F9: variants seen among roughly 807,000 people sequenced by gnomAD.
The protein encoded by F9 is Christmas factor.
F9 carries 2 observed loss-of-function variants against 34.1 expected under a neutral mutation model. The observed-to-expected ratio is 0.06, with a 90% CI of 0.02 to 0.18. The LOEUF (loss-of-function observed/expected upper bound fraction) is 0.18. Ranked by LOEUF, F9 falls within the 10% of genes least tolerant of loss-of-function variation. F9 has a pLI of 1.00. For missense variants in F9, 216 were observed against 345.1 expected, an observed-to-expected ratio of 0.63 and a Z score of 2.96; for synonymous variants, 137 against 118.8, an observed-to-expected ratio of 1.15 and a Z score of -1.00.
intron 1 of F9, among the ~76,000 whole-genome samples, chrX:139,532,753 A>T (rs959828481): frequency 8.9e-6 from 1 of 112,090 alleles, no homozygotes; most frequent in Non-Finnish European, 1.9e-5. Context: ...TGTCTGATAT[A>T]AGGGCATTTT....
At chrX:139,539,066 A>T (rs1415084692) in intron 3 of F9, among the ~76,000 whole-genome samples, 1 of 112,169 alleles carries the variant, frequency 8.9e-6, no homozygotes, top group Non-Finnish European at 1.9e-5. Flanking sequence ...CACATAGTAG[A>T]AACCCAAGCT....
chrX:139,546,611 TTAAAA>T (rs1927724195), intron 4 of F9, among the ~76,000 whole-genome samples: 2 of 111,523 alleles, frequency 1.8e-5, no homozygotes, highest in Non-Finnish European at 1.9e-5. Context: ...ATCTAAACAA[TTAAAA>T]TAAATAAGTA....
chrX:139,552,253 G>T (rs1159879050), intron 6 of F9, among the ~76,000 whole-genome samples: 2 of 111,938 alleles, frequency 1.8e-5, no homozygotes, highest in Non-Finnish European at 3.8e-5. Context: ...AGAAGCCGGG[G>T]TTCAAAACAC....
At chrX:139,542,582 C>G (rs1927626808) in intron 4 of F9, among the ~76,000 whole-genome samples, 1 of 111,712 alleles carries the variant, frequency 9.0e-6, no homozygotes, top group Non-Finnish European at 1.9e-5. Context: ...GCCGGTGGAG[C>G]TGAGGGAATG....
chrX:139,548,244 T>C (rs1243301583), intron 4 of F9, 119 bp from the exon 5 acceptor site: 5 of 785,059 alleles, frequency 6.4e-6, no homozygotes, highest in Admixed American at 2.5e-5. Flanking sequence ...CCAACGTATA[T>C]TGGGGGCAAC....
chrX:139,560,677 A>G (rs1928075961), intron 6 of F9, 64 bp from the exon 7 acceptor site: 3 of 791,873 alleles, frequency 3.8e-6, no homozygotes, highest in East Asian at 3.1e-5. Flanking sequence ...TAACCAGCAC[A>G]CATATTTATT....
At chrX:139,546,898 G>A (rs984190662) in intron 4 of F9, among the ~76,000 whole-genome samples, 26 of 111,991 alleles carry the variant, frequency 2.3e-4, no homozygotes, top group African/African-American at 8.4e-4. Context: ...TGGATTCAAT[G>A]CAATACCAAA....
chrX:139,561,293 T>C (rs1240771898), intron 7 of F9, among the ~76,000 whole-genome samples: 1 of 112,089 alleles, frequency 8.9e-6, no homozygotes, highest in East Asian at 2.8e-4. Flanking sequence ...TTATCACCAA[T>C]GAAAGGCTTA....
chrX:139,549,394 T>G (rs1927789723), intron 5 of F9, among the ~76,000 whole-genome samples: 1 of 111,357 alleles, frequency 9.0e-6, no homozygotes. Context: ...AGGGAGACCC[T>G]AATCCTGCGG....
At chrX:139,550,281 T>G (rs1018121236) in intron 5 of F9, among the ~76,000 whole-genome samples, 1 of 112,534 alleles carries the variant, frequency 8.9e-6, no homozygotes, top group African/African-American at 3.2e-5. Flanking sequence ...AACCACTTGC[T>G]GTCTTCATGA....
In F9 at chrX:139,551,051, T is replaced by C; in HGVS notation, c.521-11T>C. On this transcript the variant is annotated splice_polypyrimidine_tract_variant and intron_variant, in intron 5 of 7. Transcript: ENST00000218099. Reference sequence around the variant, plus strand: ...AATATCAGGTTACTAATTTTTCTTCTATTTTTCTAGTGCCATTTCCATGTG... The same window carrying C: ...AATATCAGGTTACTAATTTTTCTTCCATTTTTCTAGTGCCATTTCCATGTG... 1 of 1,205,087 alleles carries C rather than the reference T, an allele frequency of 8.3e-7. No homozygotes were observed. The highest frequency in any genetic ancestry group is 1.1e-6 in the Non-Finnish European group (1 of 889,529).
In F9 at chrX:139,563,170, G is replaced by A. The variant is rs1232299684; in HGVS notation, c.*1099G>A. 1 of 110,223 alleles carries A rather than the reference G, an allele frequency of 9.1e-6. No homozygotes were observed. 9.1% of individuals were successfully genotyped at this position (110,223 alleles called of 1,213,427 possible). On this transcript the variant is annotated 3_prime_UTR_variant, in exon 8 of 8. Coordinates refer to ENST00000218099, the MANE Select transcript of F9 (RefSeq NM_000133.4). ...AGACTTTGAGGAAGAATTCAACAGT[G>A]TGTCTTCAGCAGTGTTCAGAGCCAA... is the stretch of plus-strand genomic sequence containing the variant.
intron 3 of F9, among the ~76,000 whole-genome samples, chrX:139,540,089 AGCT>A (rs933057459): frequency 6.3e-5 from 7 of 110,805 alleles, no homozygotes; most frequent in African/African-American, 2.3e-4. Flanking sequence ...TTACAGATCA[AGCT>A]CCTATTTTTT....
chrX:139,546,691 G>A (rs2148360429), intron 4 of F9, among the ~76,000 whole-genome samples: 1 of 111,479 alleles, frequency 9.0e-6, no homozygotes, highest in Non-Finnish European at 1.9e-5. Context: ...TACCAGCAAC[G>A]ATTCAAAAAT....
chrX:139,560,976 G>T (rs1267021595), intron 7 of F9, 121 bp downstream of exon 7: 3 of 596,359 alleles, frequency 5.0e-6, no homozygotes, highest in South Asian at 2.4e-5. Flanking sequence ...AAGGCAGAAG[G>T]GTCATAATTT....
intron 4 of F9, among the ~76,000 whole-genome samples, chrX:139,545,486 A>G (rs1927695631): frequency 8.9e-6 from 1 of 112,058 alleles, no homozygotes; most frequent in African/African-American, 3.2e-5. Context: ...ATTATTGTGA[A>G]TTGGGATTAA....
intron 4 of F9, chrX:139,544,606 C>T (rs1927673466): frequency 9.0e-6 from 1 of 111,440 alleles, no homozygotes; most frequent in Non-Finnish European, 1.9e-5. Context: ...TCTCCAAAAC[C>T]ATACAGTCAC....
Position 139,549,963 on chromosome X carries a change from A to G in F9, c.521-1099A>G, listed in dbSNP as rs759242492. Among the ~76,000 whole-genome samples, 4 of 111,765 alleles carry G rather than the reference A, an allele frequency of 3.6e-5. No individual in the cohort carries two copies. The East Asian group carries it at 1.1e-3, about 32-fold the overall frequency. On this transcript the variant is annotated intron_variant, in intron 5 of 7. Transcript: ENST00000218099. ...CTCAAAGCTAGTCTACCTTGAGAGGAGCATGAATATGTGTGTGGGTGTGTG... is the reference window on the plus strand; with the variant it reads ...CTCAAAGCTAGTCTACCTTGAGAGGGGCATGAATATGTGTGTGGGTGTGTG...
intron 6 of F9, among the ~76,000 whole-genome samples, chrX:139,551,934 A>G (rs112388281): frequency 0.012 from 1,305 of 112,050 alleles, 23 homozygotes; most frequent in African/African-American, 0.039. Context: ...TCATGCCAAT[A>G]ATCCCAGCAC....
Sources: gnomAD v4.1 joint callset for allele counts (sites outside exome capture counted in the v4.1 genomes callset) on GRCh38, gnomAD v4.1.1 for gene constraint, MANE v1.5 for transcripts, NCBI Gene and HGNC (gene_info 2026-07-23, HGNC 2026-07-21) for gene names.